The following MINK1 variants were observed in gnomAD, a reference collection of about 807,000 sequenced individuals.
The protein encoded by MINK1 is misshapen like kinase 1, also known as misshapen-like kinase 1.
Under a neutral mutation model 178.4 loss-of-function variants are expected in MINK1, and 46 were observed. The observed-to-expected ratio is 0.26, with a 90% CI of 0.20 to 0.33. The LOEUF (loss-of-function observed/expected upper bound fraction) is 0.33, where lower values mean the gene tolerates loss of function less well. MINK1 is among the 10% of genes least tolerant of loss of function. MINK1 has a pLI of 1.00. For missense variants in MINK1, 1,366 were observed against 1,814.9 expected, an observed-to-expected ratio of 0.75 and a Z score of 4.49; for synonymous variants, 797 against 709.7, an observed-to-expected ratio of 1.12 and a Z score of -1.96.
chr17:4,860,875 T>C (rs1021408045), intron 1 of MINK1: 22 of 487,456 alleles, frequency 4.5e-5, no homozygotes, highest in South Asian at 8.8e-5. Flanking sequence ...TTCGGGAAGC[T>C]TTTGAAGCTG....
At chr17:4,882,510 C>CT in intron 4 of MINK1, among the ~76,000 whole-genome samples, 1 of 152,322 alleles carries the variant, frequency 6.6e-6, no homozygotes, top group East Asian at 1.9e-4. Context: ...GAGGTAGACC[C>CT]TATGCAATCT....
chr17:4,844,637 C>A, intron 1 of MINK1: 1 of 476,762 alleles, frequency 2.1e-6, no homozygotes, highest in Non-Finnish European at 4.2e-6. Flanking sequence ...CAGAGCTCCA[C>A]GGGGCTCGTA....
chr17:4,839,164 T>A (rs111487303), intron 1 of MINK1, among the ~76,000 whole-genome samples: 1 of 152,110 alleles, frequency 6.6e-6, no homozygotes, highest in Non-Finnish European at 1.5e-5. Context: ...AGGATGGTCT[T>A]GATCTCCTGA....
intron 20 of MINK1, 60 bp downstream of exon 20, chr17:4,893,127 G>C: frequency 6.6e-7 from 1 of 1,526,580 alleles, no homozygotes; most frequent in East Asian, 2.4e-5. Context: ...TAGCCTCAGG[G>C]TGCTGGGTGT....
Position 4,886,319 on chromosome 17 carries a change from G to A in MINK1, c.773+121G>A, listed in dbSNP as rs1416892826. 2 of 1,496,044 alleles carry A rather than the reference G, an allele frequency of 1.3e-6. No individual in the cohort carries two copies. The highest frequency in any genetic ancestry group is 1.7e-5 in the Admixed American group (1 of 59,162). 92.7% of individuals were successfully genotyped at this position (1,496,044 alleles called of 1,614,324 possible). A position where few individuals can be genotyped will look rare whatever the true frequency, so the allele number is the denominator to read the frequency against. ...GAGAAGAGATTCTGGGGGGCAGAGG[G>A]CGGTGACTGGTGTTGGGATATGAAG... On this transcript the variant is annotated intron_variant, in intron 9 of 31. Coordinates refer to ENST00000355280, the MANE Select transcript of MINK1 (RefSeq NM_153827.5). This position sits in a 1 kb window ranked among gnomAD's most constrained non-coding sequence, Gnocchi z 6.1.
At chr17:4,838,817 A>G (rs12450045) in intron 1 of MINK1, among the ~76,000 whole-genome samples, 67,157 of 152,078 alleles carry the variant, frequency 0.44, 16,105 homozygotes, top group Non-Finnish European at 0.55. Flanking sequence ...TTGGCAGTCT[A>G]TGTATTGAGA....
intron 1 of MINK1, among the ~76,000 whole-genome samples, chr17:4,857,811 C>G (rs1489514297): frequency 6.6e-6 from 1 of 152,042 alleles, no homozygotes; most frequent in Non-Finnish European, 1.5e-5. Context: ...TATTTCTTTT[C>G]TTATGCACAC....
At chr17:4,876,281 C>T (rs1967177317) in intron 1 of MINK1, among the ~76,000 whole-genome samples, 1 of 152,174 alleles carries the variant, frequency 6.6e-6, no homozygotes, top group South Asian at 2.1e-4. Flanking sequence ...CAGTGAGGTC[C>T]TAGACATTAC....
rs983298955 is a variant in MINK1, at chr17:4,892,675, A to G, written c.2218A>G (p.Ser740Gly). ...CAACAGTAACCCCGACCTCAGGAGG[A>G]GCGACCCTGGCTGGGAACGCTCGGA... Reference protein sequence around the residue: ...NASSNPDLRRSDPGWERSDSV... With the variant: ...NASSNPDLRRGDPGWERSDSV... The change falls in exon 19 of 32, where the codon AGC becomes GGC. Residue 740 changes from serine to glycine, a missense_variant. Transcript: ENST00000355280. 35 of 1,609,260 alleles carry G rather than the reference A, an allele frequency of 2.2e-5. No individual in the cohort carries two copies. The highest frequency in any genetic ancestry group is 2.8e-5 in the Non-Finnish European group (33 of 1,178,070).
At chr17:4,877,696 C>A (rs889198099) in intron 1 of MINK1, among the ~76,000 whole-genome samples, 1 of 149,488 alleles carries the variant, frequency 6.7e-6, no homozygotes, top group African/African-American at 2.5e-5. Flanking sequence ...GGAAGGTACT[C>A]GGGCACCCTC....
rs1461018466 is a variant in MINK1, at chr17:4,895,155, A to C, written c.2998A>C (p.Thr1000Pro). Residue 1000 changes from threonine to proline, a missense_variant, in exon 25 of 32, where the codon ACC becomes CCC. Physicochemically the swap from Thr to Pro is conservative, Grantham distance 38 (BLOSUM62 -1). This residue lies in a region of MINK1 where 42 missense variants were observed against 64.0 expected (regional missense o/e 0.66). Coordinates refer to ENST00000355280, the MANE Select transcript of MINK1 (RefSeq NM_153827.5). This position sits in a 1 kb window ranked among gnomAD's most constrained non-coding sequence, Gnocchi z 4.3. ...GGGTTCTGTGGTCAACGTGAATCCCACCAACACCCGGGCCCACAGTGAGAC... is the reference window on the plus strand; with the variant it reads ...GGGTTCTGTGGTCAACGTGAATCCCCCCAACACCCGGGCCCACAGTGAGAC... The part of the protein sequence containing the change: ...RKGSVVNVNP[T>P]NTRAHSETPE... The C allele has an allele frequency of 3.1e-6, 5 of 1,613,750 alleles. No homozygotes were observed. The highest frequency in any genetic ancestry group is 4.2e-6 in the Non-Finnish European group (5 of 1,179,992).
chr17:4,889,604 G>T (rs750428931), intron 12 of MINK1, 43 bp from the exon 13 acceptor site: 3 of 1,504,726 alleles, frequency 2.0e-6, no homozygotes, highest in South Asian at 1.2e-5. Context: ...GTGCTGACGC[G>T]ATGTCCGGTA....
At chr17:4,876,893 G>C (rs1001473596) in intron 1 of MINK1, among the ~76,000 whole-genome samples, 2 of 152,052 alleles carry the variant, frequency 1.3e-5, no homozygotes, top group Admixed American at 1.3e-4. Context: ...TTTGAGAACA[G>C]TCTGGACAAC....
chr17:4,897,370 T>C lies in MINK1; in HGVS notation c.*83T>C. 7.7e-7 allele frequency: 1 copy of C among 1,304,142 alleles called. No homozygotes were observed. Among genetic ancestry groups the C allele is most frequent in the Non-Finnish European group, 1.1e-6 (1 of 917,718 alleles). The allele number at this position is 1,304,142 out of a possible 1,614,324, so 80.8% of individuals were successfully genotyped here. The stretch of plus-strand genomic sequence containing the variant: ...CTTCCCGGGCCGCCCCTCTTTCCCC[T>C]CCCTGGGCTTTTGCTTTTACTGGTT... On this transcript the variant is annotated 3_prime_UTR_variant, in exon 32 of 32. Coordinates refer to ENST00000355280, the MANE Select transcript of MINK1 (RefSeq NM_153827.5).
intron 1 of MINK1, among the ~76,000 whole-genome samples, chr17:4,837,193 C>T (rs894249558): frequency 6.6e-6 from 1 of 152,114 alleles, no homozygotes; most frequent in African/African-American, 2.4e-5. Context: ...TTTCAAACAA[C>T]AACAACAACT....
Position 4,892,498 on chromosome 17 carries a change from GC to G in MINK1, c.2187del (p.Asn730ThrfsTer76). On this transcript the variant is annotated frameshift_variant, in exon 18 of 32. Transcript: ENST00000355280. LOFTEE classifies it high-confidence loss of function. Reference sequence around the variant, plus strand: ...GGCCCCCTGCTCAGCCCCCTGGCCCGCCCAACGCCTCTAGGTAATAGAGTTG... The same window carrying G: ...GGCCCCCTGCTCAGCCCCCTGGCCCGCCAACGCCTCTAGGTAATAGAGTTG... ...PGPPAQPPGP[P>X]NASSNPDLRR... The G allele has an allele frequency of 6.4e-7, 1 of 1,559,812 alleles. No individual in the cohort carries two copies. The highest frequency in any genetic ancestry group is 1.2e-5 in the South Asian group (1 of 85,118).
intron 2 of MINK1, among the ~76,000 whole-genome samples, chr17:4,879,335 T>C (rs1402016452): frequency 1.3e-5 from 2 of 152,216 alleles, no homozygotes. Flanking sequence ...CCCGTGGCTT[T>C]TTCATCTCCA....
Position 4,892,217 on chromosome 17 carries a change from C to T in MINK1, c.2070C>T (p.Ala690=), listed in dbSNP as rs868154687. ...GTGGGGCCGGAGGGTCCCGGCCAGC[C>T]CAGGCAGTCCGTGCCAGGTAATGCC... ...NTSGAGGSRP[A]QAVRARPRSN... Residue 690 remains alanine, a synonymous_variant, in exon 17 of 32, where the codon GCC becomes GCT. Transcript: ENST00000355280. 1.9e-6 allele frequency: 3 copies of T among 1,590,388 alleles called. No individual in the cohort carries two copies. The highest frequency in any genetic ancestry group is 1.7e-6 in the Non-Finnish European group (2 of 1,169,360).
chr17:4,858,221 C>T (rs902459534), intron 1 of MINK1, among the ~76,000 whole-genome samples: 2 of 152,050 alleles, frequency 1.3e-5, no homozygotes, highest in Non-Finnish European at 2.9e-5. Flanking sequence ...CCTTTGCCCC[C>T]CTCTTCCTCT....
Sources: gnomAD v4.1 joint callset for allele counts (sites outside exome capture counted in the v4.1 genomes callset) on GRCh38, gnomAD v4.1.1 for gene constraint, gnomAD v4.1.1 regional missense constraint, Gnocchi (gnomAD v3.1) non-coding constraint, MANE v1.5 for transcripts, NCBI Gene and HGNC (gene_info 2026-07-23, HGNC 2026-07-21) for gene names.